Variants in IPO11 observed in about 807,000 individuals in gnomAD.
IPO11 encodes the protein importin 11.
IPO11 carries 66 observed loss-of-function variants against 143.2 expected under a neutral mutation model. That is an observed-to-expected ratio of 0.46 (90% CI 0.38 to 0.57). IPO11 has a LOEUF of 0.57. Among genes scored for constraint, IPO11 ranks in the 20% least tolerant of loss-of-function variants. The pLI, the probability that IPO11 is intolerant of heterozygous loss-of-function variation, is 0.00. For missense variants in IPO11, 1,026 were observed against 1,141.0 expected, an observed-to-expected ratio of 0.90 and a Z score of 1.45; for synonymous variants, 385 against 377.8, an observed-to-expected ratio of 1.02 and a Z score of -0.22.
At chr5:62,435,198 ATGTATATATATG>A (rs1387807412) in intron 1 of IPO11, among the ~76,000 whole-genome samples, 7 of 108,610 alleles carry the variant, frequency 6.4e-5, no homozygotes, top group East Asian at 2.7e-4. Context: ...ATGTATATAT[ATGTATATATATG>A]TGTATATATA....
At chr5:62,567,579 T>TTG (rs1554055781) in intron 27 of IPO11, among the ~76,000 whole-genome samples, 3 of 147,050 alleles carry the variant, frequency 2.0e-5, no homozygotes, top group African/African-American at 7.5e-5. Context: ...TTTTTTTTTT[T>TTG]AAGATGGAGT....
At chr5:62,614,702 A>G (rs1451975480) in intron 29 of IPO11, among the ~76,000 whole-genome samples, 3 of 148,332 alleles carry the variant, frequency 2.0e-5, no homozygotes, top group Middle Eastern at 3.4e-3. Flanking sequence ...CCGAAAACCC[A>G]AGTGTGCGTG....
chr5:62,531,707 G>A (rs899433900), intron 22 of IPO11, among the ~76,000 whole-genome samples: 9 of 152,170 alleles, frequency 5.9e-5, no homozygotes, highest in Non-Finnish European at 1.2e-4. Context: ...AATTGTAACT[G>A]ATTAAAAAAT....
At chr5:62,564,982 G>A (rs1743885123) in intron 27 of IPO11, among the ~76,000 whole-genome samples, 1 of 152,134 alleles carries the variant, frequency 6.6e-6, no homozygotes, top group Non-Finnish European at 1.5e-5. Context: ...TCTTTCTAAT[G>A]AGGTTGTTGT....
At chr5:62,464,008 G>C (rs1745475461) in intron 5 of IPO11, among the ~76,000 whole-genome samples, 2 of 151,966 alleles carry the variant, frequency 1.3e-5, no homozygotes, top group East Asian at 1.9e-4. Flanking sequence ...ATTTGTAATA[G>C]AGACGGCGTT....
At position 62,494,094 on chromosome 5, in the gene IPO11, C is replaced by G. The variant is rs1328093319; in HGVS notation, c.1560C>G (p.Ile520Met). 3 of 1,611,158 alleles carry G rather than the reference C, an allele frequency of 1.9e-6. No homozygotes were observed. Among genetic ancestry groups the G allele is most frequent in the Non-Finnish European group, 2.5e-6 (3 of 1,178,792 alleles). ...SDLRPMLYEA[I>M]CNLLQDQDLV... ...TAAGACCCATGCTTTATGAAGCAAT[C>G]TGTAACTTGCTTCAAGATCAAGATT... The change falls in exon 16 of 30, where the codon ATC becomes ATG. Residue 520 changes from isoleucine to methionine, a missense_variant. By Grantham distance (10) the Ile-to-Met change is conservative. Transcript: ENST00000325324.
At chr5:62,491,543 T>C (rs1746607507) in intron 15 of IPO11, among the ~76,000 whole-genome samples, 1 of 152,190 alleles carries the variant, frequency 6.6e-6, no homozygotes, top group South Asian at 2.1e-4. Context: ...TTAGTGCAAC[T>C]GAGGCAACAA....
chr5:62,596,268 C>CAAAAAAAAAAAA lies in IPO11; in HGVS notation c.2678+4600_2678+4611dup, dbSNP rs71608515. 9.3e-4 allele frequency among the ~76,000 whole-genome samples: 89 copies of CAAAAAAAAAAAA among 95,594 alleles called. 1 individual carries two copies. The highest frequency in any genetic ancestry group is 1.8e-3 in the East Asian group (6 of 3,276). 62.7% of individuals were successfully genotyped at this position (95,594 alleles called of 152,430 possible). ...TGGGTGACAGACCAAGGCCCTGTCTCAAAAAAAAAAAAAAAGAATTTAGCC... is the reference window on the plus strand; with the variant it reads ...TGGGTGACAGACCAAGGCCCTGTCTCAAAAAAAAAAAAAAAAAAAAAAAAAAAGAATTTAGCC... On this transcript the variant is annotated intron_variant, in intron 28 of 29. Coordinates refer to ENST00000325324, the MANE Select transcript of IPO11 (RefSeq NM_016338.5).
intron 29 of IPO11, among the ~76,000 whole-genome samples, chr5:62,617,395 C>G (rs1397940988): frequency 6.6e-6 from 1 of 152,152 alleles, no homozygotes; most frequent in African/African-American, 2.4e-5. Flanking sequence ...TATATTCTCT[C>G]CCATAGTGGA....
chr5:62,434,411 T>G (rs1744100128), intron 1 of IPO11, among the ~76,000 whole-genome samples: 1 of 151,980 alleles, frequency 6.6e-6, no homozygotes, highest in Non-Finnish European at 1.5e-5. Context: ...CAGGTGATCC[T>G]CCCACCTTAG....
intron 1 of IPO11, among the ~76,000 whole-genome samples, chr5:62,423,057 A>G (rs1743575792): frequency 6.6e-6 from 1 of 152,202 alleles, no homozygotes; most frequent in South Asian, 2.1e-4. Context: ...CCCAGTGAAA[A>G]GTATTATTAA....
In IPO11 at chr5:62,543,254, G is replaced by T. The variant is rs139012848; in HGVS notation, c.2250+5965G>T. Among the ~76,000 whole-genome samples the T allele has an allele frequency of 5.9e-5, 9 of 152,308 alleles. No homozygotes were observed. In the East Asian group the frequency reaches 1.3e-3, roughly 23 times the overall value. On this transcript the variant is annotated intron_variant, in intron 24 of 29. Coordinates refer to ENST00000325324, the MANE Select transcript of IPO11 (RefSeq NM_016338.5). Reference sequence around the variant, plus strand: ...TTTAAGAACACAGTCTGTTTCAGAAGGAATGGTACCAGCTCCTCCTTGTAC... The same window carrying T: ...TTTAAGAACACAGTCTGTTTCAGAATGAATGGTACCAGCTCCTCCTTGTAC...
chr5:62,425,303 A>G (rs1743690475), intron 1 of IPO11, among the ~76,000 whole-genome samples: 1 of 152,154 alleles, frequency 6.6e-6, no homozygotes, highest in South Asian at 2.1e-4. Context: ...GTGGCACTGC[A>G]GACTATTCAA....
At chr5:62,496,394 C>T (rs1741158837) in intron 16 of IPO11, among the ~76,000 whole-genome samples, 1 of 151,964 alleles carries the variant, frequency 6.6e-6, no homozygotes, top group Non-Finnish European at 1.5e-5. Context: ...GCTTTAGGTT[C>T]AGCCTTTGCC....
intron 15 of IPO11, among the ~76,000 whole-genome samples, chr5:62,493,082 A>G (rs76956535): frequency 0.052 from 7,904 of 152,284 alleles, 238 homozygotes; most frequent in South Asian, 0.084. Flanking sequence ...GATGAGAGAA[A>G]GAAAGAAATG....
At chr5:62,496,752 G>A (rs139631837) in intron 16 of IPO11, among the ~76,000 whole-genome samples, 1 of 152,102 alleles carries the variant, frequency 6.6e-6, no homozygotes, top group Non-Finnish European at 1.5e-5. Context: ...CACACATTGT[G>A]TATGTATGTG....
intron 9 of IPO11, among the ~76,000 whole-genome samples, chr5:62,481,414 T>C (rs1746205830): frequency 6.6e-6 from 1 of 152,152 alleles, no homozygotes; most frequent in South Asian, 2.1e-4. Context: ...AATAGCACTT[T>C]TTATTTTGAG....
At chr5:62,506,425 C>A in intron 19 of IPO11, 68 bp downstream of exon 19, 1 of 841,696 alleles carries the variant, frequency 1.2e-6, no homozygotes, top group Non-Finnish European at 1.9e-6. Context: ...TCATTAATAT[C>A]CTTGACTACA....
At chr5:62,608,247 T>A (rs966183685) in intron 29 of IPO11, among the ~76,000 whole-genome samples, 1 of 152,174 alleles carries the variant, frequency 6.6e-6, no homozygotes, top group Admixed American at 6.5e-5. Flanking sequence ...AGCCCTACAA[T>A]TTTTCCTTAC....
Sources: gnomAD v4.1 joint callset for allele counts (sites outside exome capture counted in the v4.1 genomes callset) on GRCh38, gnomAD v4.1.1 for gene constraint, MANE v1.5 for transcripts, NCBI Gene and HGNC (gene_info 2026-07-23, HGNC 2026-07-21) for gene names.